CCSER2: variants seen among roughly 807,000 people sequenced by gnomAD.
CCSER2 encodes the protein coiled-coil serine rich protein 2, also known as serine-rich coiled-coil domain-containing protein 2.
A neutral mutation model predicts 92.3 loss-of-function variants in CCSER2; 46 were observed. The observed-to-expected ratio is 0.50, with a 90% confidence interval of 0.39 to 0.64. CCSER2 has a LOEUF of 0.64. Among genes scored for constraint, CCSER2 ranks in the 30% least tolerant of loss-of-function variants. CCSER2 has a pLI of 0.00. For synonymous variants in CCSER2, 433 were observed against 431.4 expected, an observed-to-expected ratio of 1.00 and a Z score of -0.04; for missense variants, 1,244 against 1,238.9, an observed-to-expected ratio of 1.00 and a Z score of -0.06.
chr10:84,430,511 A>G (rs1219083138), intron 5 of CCSER2, among the ~76,000 whole-genome samples: 1 of 152,202 alleles, frequency 6.6e-6, no homozygotes, highest in Non-Finnish European at 1.5e-5. Context: ...AATCAGCTCA[A>G]ACCAACTCCT....
In CCSER2 at chr10:84,438,553, G is replaced by A; in HGVS notation, c.1910G>A (p.Ser637Asn). 1.2e-6 allele frequency: 2 copies of A among 1,613,476 alleles called. No homozygotes were observed. Among genetic ancestry groups the A allele is most frequent in the Non-Finnish European group, 1.7e-6 (2 of 1,179,628 alleles). Residue 637 changes from serine (S) to asparagine (N), a missense_variant, in exon 6 of 10, where the codon AGC becomes AAC. Transcript: ENST00000372088. ...GAATCTCCTTTGGGTCATTTTGAAA[G>A]CTATGGAGGGATGCCCTTTTTCCAG... ...YRESPLGHFESYGGMPFFQAQ... is the reference protein window; with the variant it reads ...YRESPLGHFENYGGMPFFQAQ...
chr10:84,476,435 CTTTTTTTTTTT>C (rs35978182), intron 8 of CCSER2, among the ~76,000 whole-genome samples: 89 of 58,546 alleles, frequency 1.5e-3, no homozygotes, highest in South Asian at 4.3e-3. Flanking sequence ...AATTCTCTCT[CTTTTTTTTTTT>C]TTTTTTTTTT....
At chr10:84,474,662 C>CAAAAAAAAAAAA (rs397844899) in intron 8 of CCSER2, among the ~76,000 whole-genome samples, 1 of 65,856 alleles carries the variant, frequency 1.5e-5, no homozygotes, top group Non-Finnish European at 2.9e-5. Flanking sequence ...GACTCCATCT[C>CAAAAAAAAAAAA]AAAAAAAAAA....
In CCSER2 at chr10:84,514,792, G is replaced by A. The variant is rs1398387281; in HGVS notation, c.*525G>A. The A allele has an allele frequency of 6.5e-6, 1 of 152,920 alleles. No homozygotes were observed. The highest frequency in any genetic ancestry group is 2.4e-5 in the African/African-American group (1 of 41,464). The allele number at this position is 152,920 out of a possible 1,614,324, so 9.5% of individuals were successfully genotyped here. On this transcript the variant is annotated 3_prime_UTR_variant, in exon 10 of 10. Coordinates refer to ENST00000372088, the MANE Select transcript of CCSER2 (RefSeq NM_001284240.2). The stretch of plus-strand genomic sequence containing the variant: ...TGCAAAAGCTTTGTGATGAATAAAG[G>A]AGATTAGGCTTTTAATGGAAAGTCT...
intron 8 of CCSER2, among the ~76,000 whole-genome samples, chr10:84,476,187 T>A (rs1331078077): frequency 6.6e-6 from 1 of 152,322 alleles, no homozygotes; most frequent in African/African-American, 2.4e-5. Context: ...ATGGGAAATA[T>A]GTCTCTATGA....
intron 9 of CCSER2, among the ~76,000 whole-genome samples, chr10:84,491,081 G>T (rs887865180): frequency 6.6e-6 from 1 of 152,210 alleles, no homozygotes; most frequent in South Asian, 2.1e-4. Context: ...AAATGTTTCT[G>T]CCTGATCATT....
At chr10:84,390,916 G>A in intron 3 of CCSER2, 3 of 740,054 alleles carry the variant, frequency 4.1e-6, no homozygotes, top group Non-Finnish European at 7.6e-6. Context: ...CCTAGAAGAG[G>A]AGGCTTGTAC....
At chr10:84,444,589 G>C (rs1844792425) in intron 6 of CCSER2, among the ~76,000 whole-genome samples, 1 of 152,112 alleles carries the variant, frequency 6.6e-6, no homozygotes, top group African/African-American at 2.4e-5. Context: ...GTTGCACACA[G>C]TGGTGTTCTA....
intron 6 of CCSER2, among the ~76,000 whole-genome samples, chr10:84,457,208 A>ATATATAT (rs1267219184): frequency 1.9e-5 from 2 of 106,916 alleles, no homozygotes; most frequent in South Asian, 2.8e-4. Flanking sequence ...CTTCTTTTAT[A>ATATATAT]TATATATTAC....
intron 7 of CCSER2, 32 bp downstream of exon 7, chr10:84,464,048 A>C: frequency 8.3e-7 from 1 of 1,201,732 alleles, no homozygotes; most frequent in Non-Finnish European, 1.2e-6. Flanking sequence ...GGATTTTTCA[A>C]AATTCTTTTT....
intron 1 of CCSER2, among the ~76,000 whole-genome samples, chr10:84,342,424 C>T (rs1009797641): frequency 6.6e-6 from 1 of 152,204 alleles, no homozygotes; most frequent in African/African-American, 2.4e-5. Context: ...AGTAGCTACT[C>T]CTGCCTTAAC....
chr10:84,479,720 G>C (rs1469939875), intron 9 of CCSER2, among the ~76,000 whole-genome samples: 1 of 152,212 alleles, frequency 6.6e-6, no homozygotes, highest in Non-Finnish European at 1.5e-5. Context: ...TTAAATGATA[G>C]TAAGCTCACT....
At position 84,435,943 on chromosome 10, in the gene CCSER2, T is replaced by C. The variant is rs543111571; in HGVS notation, c.1869-2569T>C. Among the ~76,000 whole-genome samples the C allele has an allele frequency of 8.4e-4, 127 of 151,190 alleles. 1 individual carries two copies. Among genetic ancestry groups the C allele is most frequent in the Middle Eastern group, 3.4e-3 (1 of 292 alleles). ...CAAGTGTGCACAGTGGAGGGCAGAA[T>C]GGAGAGACTGACAAAGACTACTCAG... is the stretch of plus-strand genomic sequence containing the variant. On this transcript the variant is annotated intron_variant, in intron 5 of 9. Coordinates refer to ENST00000372088, the MANE Select transcript of CCSER2 (RefSeq NM_001284240.2).
chr10:84,443,456 C>T (rs910584831), intron 6 of CCSER2, among the ~76,000 whole-genome samples: 11 of 152,272 alleles, frequency 7.2e-5, no homozygotes, highest in Admixed American at 7.2e-4. Flanking sequence ...CCATCTCATG[C>T]CAGTTAAAAT....
intron 6 of CCSER2, among the ~76,000 whole-genome samples, chr10:84,441,400 G>A (rs917079163): frequency 6.6e-6 from 1 of 152,132 alleles, no homozygotes; most frequent in Non-Finnish European, 1.5e-5. Flanking sequence ...ATGGTAAGTA[G>A]AGAGTTTCTG....
chr10:84,342,137 A>G (rs1157651199), intron 1 of CCSER2, among the ~76,000 whole-genome samples: 1 of 152,094 alleles, frequency 6.6e-6, no homozygotes, highest in Non-Finnish European at 1.5e-5. Context: ...TCTGGTAACC[A>G]GCTTCCATCC....
chr10:84,392,589 C>A (rs1243788733), intron 3 of CCSER2, among the ~76,000 whole-genome samples: 2 of 151,584 alleles, frequency 1.3e-5, no homozygotes, highest in Non-Finnish European at 2.9e-5. Flanking sequence ...TGAAGAACTG[C>A]ACAAACAGAA....
chr10:84,495,233 G>T (rs1473187747), intron 9 of CCSER2, among the ~76,000 whole-genome samples: 4 of 150,804 alleles, frequency 2.7e-5, no homozygotes, highest in African/African-American at 9.8e-5. Context: ...TAACTTAGGG[G>T]TATGAATGTT....
chr10:84,418,508 C>T (rs1420809256), intron 4 of CCSER2, among the ~76,000 whole-genome samples: 1 of 152,140 alleles, frequency 6.6e-6, no homozygotes, highest in Non-Finnish European at 1.5e-5. Context: ...TGGGGATACT[C>T]CTGGGGAGAG....
Sources: allele counts gnomAD v4.1 joint callset (sites outside exome capture counted in the v4.1 genomes callset), GRCh38; gene constraint gnomAD v4.1.1; transcripts MANE v1.5; gene names NCBI Gene and HGNC (gene_info 2026-07-23, HGNC 2026-07-21).